Variants in FOXN3 observed in about 807,000 individuals in gnomAD.
FOXN3 encodes the protein forkhead box N3.
A neutral mutation model predicts 38.4 loss-of-function variants in FOXN3; 7 were observed. The ratio of observed to expected loss-of-function variants is 0.18; its 90% confidence interval spans 0.10 to 0.34. The LOEUF is 0.34. FOXN3 is among the 10% of genes least tolerant of loss of function. FOXN3 has a pLI of 1.00. For missense variants in FOXN3, 456 were observed against 613.4 expected (o/e 0.74, Z 2.71); for synonymous variants, 230 against 242.2 (o/e 0.95, Z 0.47).
chr14:89,416,377 C>T (rs989462391), intron 1 of FOXN3, among the ~76,000 whole-genome samples: 3 of 152,180 alleles, frequency 2.0e-5, no homozygotes, highest in African/African-American at 4.8e-5. Flanking sequence ...AATAAAAGCC[C>T]GCCGTCCCCC....
chr14:89,462,829 C>T (rs368396822), intron 1 of FOXN3, among the ~76,000 whole-genome samples: 28 of 151,546 alleles, frequency 1.8e-4, no homozygotes, highest in Admixed American at 2.6e-4. Flanking sequence ...GGACTACAGG[C>T]GCCCGCCACC....
chr14:89,405,876 G>A (rs1891374814), intron 2 of FOXN3, among the ~76,000 whole-genome samples: 1 of 152,164 alleles, frequency 6.6e-6, no homozygotes, highest in Non-Finnish European at 1.5e-5. Context: ...GCAAGCACCA[G>A]GGGTAAGCAC....
At position 89,605,673 on chromosome 14, in the gene FOXN3, G is replaced by A. The variant is rs377360635; in HGVS notation, c.-15+13355C>T. On this transcript the variant is annotated intron_variant, in intron 1 of 6. Transcript: ENST00000345097. ...TGCAGCTTAAATATTAGAACATGAA[G>A]AGTTATTTATATTAGAAAAAATATA... 2.0e-5 allele frequency among the ~76,000 whole-genome samples: 3 copies of A among 151,914 alleles called. No individual in the cohort carries two copies. In the South Asian group the frequency reaches 6.2e-4, roughly 31 times the overall value.
At chr14:89,367,013 T>G (rs1890179785) in intron 2 of FOXN3, among the ~76,000 whole-genome samples, 1 of 152,202 alleles carries the variant, frequency 6.6e-6, no homozygotes, top group Non-Finnish European at 1.5e-5. Context: ...ACAGGGTGTG[T>G]GTACTAAGCC....
chr14:89,353,318 T>C (rs938942084), intron 2 of FOXN3: 15 of 152,220 alleles, frequency 9.9e-5, no homozygotes, highest in African/African-American at 3.1e-4. Context: ...GAAAATCTCC[T>C]TTTGGACACA....
chr14:89,489,855 C>T (rs1386950926), intron 1 of FOXN3, among the ~76,000 whole-genome samples: 5 of 152,196 alleles, frequency 3.3e-5, no homozygotes, highest in Admixed American at 1.3e-4. Context: ...CTTACACACA[C>T]GCGCGCGCAT....
chr14:89,221,527 C>T (rs1884461292), intron 4 of FOXN3, among the ~76,000 whole-genome samples: 2 of 152,196 alleles, frequency 1.3e-5, no homozygotes. Flanking sequence ...AATCCCTTAA[C>T]ATTTTCTAAC....
intron 1 of FOXN3, among the ~76,000 whole-genome samples, chr14:89,435,373 T>TA (rs763454392): frequency 3.8e-3 from 501 of 131,312 alleles, no homozygotes; most frequent in Non-Finnish European, 4.2e-3. Context: ...CCCTGTCTCT[T>TA]AAAAAAAAAA....
intron 1 of FOXN3, among the ~76,000 whole-genome samples, chr14:89,476,412 C>A (rs570930565): frequency 1.5e-3 from 234 of 152,324 alleles, no homozygotes; most frequent in Non-Finnish European, 2.7e-3. Flanking sequence ...TCCTCTGAAC[C>A]AAATTCTGCC....
In FOXN3 at chr14:89,511,189, C is replaced by T. The variant is rs58120979; in HGVS notation, c.-14-98699G>A. On this transcript the variant is annotated intron_variant, in intron 1 of 6. Transcript: ENST00000345097. Reference sequence around the variant, plus strand: ...TCTTTCTTTCTTTCTTTCTTTCTTTCTTTTCTTTCTTTCTTTTCTTTCTTT... The same window carrying T: ...TCTTTCTTTCTTTCTTTCTTTCTTTTTTTTCTTTCTTTCTTTTCTTTCTTT... Among the ~76,000 whole-genome samples the T allele has an allele frequency of 8.7e-3, 124 of 14,272 alleles. 31 individuals are homozygous for T. Among genetic ancestry groups the T allele is most frequent in the African/African-American group, 0.013 (119 of 8,840 alleles). 9.4% of individuals were successfully genotyped at this position (14,272 alleles called of 152,430 possible). A position where few individuals can be genotyped will look rare whatever the true frequency, so the allele number is the denominator to read the frequency against.
intron 1 of FOXN3, among the ~76,000 whole-genome samples, chr14:89,527,749 T>C (rs909078176): frequency 1.3e-5 from 2 of 150,900 alleles, no homozygotes; most frequent in African/African-American, 4.9e-5. Flanking sequence ...TCGCTCGGGC[T>C]GGAGTGCAGT....
chr14:89,450,613 T>C lies in FOXN3; in HGVS notation c.-14-38123A>G, dbSNP rs1892596512. On this transcript the variant is annotated intron_variant, in intron 1 of 6. Transcript: ENST00000345097. The stretch of plus-strand genomic sequence containing the variant: ...TCCTTTTTTTTTTTTTTAGACAGAG[T>C]CTCGCCCTGTCGCCCAGGCTGGAGT... Among the ~76,000 whole-genome samples the C allele has an allele frequency of 3.3e-5, 5 of 150,224 alleles. No homozygotes were observed. In the South Asian group the frequency reaches 1.1e-3, roughly 32 times the overall value.
intron 1 of FOXN3, among the ~76,000 whole-genome samples, chr14:89,489,347 A>G (rs749037917): frequency 3.9e-5 from 6 of 152,234 alleles, no homozygotes; most frequent in African/African-American, 7.2e-5. Flanking sequence ...GCGTTTGGCT[A>G]CTAATTAACA....
intron 5 of FOXN3, among the ~76,000 whole-genome samples, chr14:89,167,857 GAAC>G (rs1042101817): frequency 1.3e-4 from 20 of 152,332 alleles, no homozygotes; most frequent in African/African-American, 4.8e-4. Context: ...CCTCGCAGTA[GAAC>G]AAGAACCCAA....
chr14:89,256,099 G>C (rs1258738063), intron 4 of FOXN3, among the ~76,000 whole-genome samples: 1 of 152,150 alleles, frequency 6.6e-6, no homozygotes, highest in Non-Finnish European at 1.5e-5. Context: ...CAGCGGGTCA[G>C]AATGAGTGTG....
intron 1 of FOXN3, among the ~76,000 whole-genome samples, chr14:89,567,531 A>G (rs533148006): frequency 7.4e-6 from 1 of 135,192 alleles, no homozygotes; most frequent in South Asian, 2.5e-4. Flanking sequence ...TAAAAGGTAC[A>G]GAGCGATACT....
At chr14:89,597,454 GT>G (rs1666122969) in intron 1 of FOXN3, among the ~76,000 whole-genome samples, 1 of 152,108 alleles carries the variant, frequency 6.6e-6, no homozygotes, top group Non-Finnish European at 1.5e-5. Context: ...TGAGTGCAAT[GT>G]TTTATAATTA....
At chr14:89,506,062 A>G (rs1435801816) in intron 1 of FOXN3, among the ~76,000 whole-genome samples, 19 of 100,478 alleles carry the variant, frequency 1.9e-4, no homozygotes, top group South Asian at 3.9e-4. Context: ...CCCCGTCCAG[A>G]AGGGAGGTGG....
intron 3 of FOXN3, among the ~76,000 whole-genome samples, chr14:89,292,586 C>A (rs1886910249): frequency 6.6e-6 from 1 of 152,164 alleles, no homozygotes; most frequent in Admixed American, 6.5e-5. Flanking sequence ...AAGGAGGGAG[C>A]CACCCCCCTT....
Sources: allele counts gnomAD v4.1 joint callset (sites outside exome capture counted in the v4.1 genomes callset), GRCh38; gene constraint gnomAD v4.1.1; transcripts MANE v1.5; gene names NCBI Gene and HGNC (gene_info 2026-07-23, HGNC 2026-07-21).